CHST8: variants seen among roughly 807,000 people sequenced by gnomAD.
CHST8 encodes GALNAC-4-ST1.
CHST8 carries 10 observed loss-of-function variants against 15.0 expected under a neutral mutation model. The ratio of observed to expected loss-of-function variants is 0.67; its 90% CI spans 0.41 to 1.13. CHST8 has a LOEUF of 1.13. CHST8 is among the 50% of genes most tolerant of loss of function. The pLI, the probability that CHST8 is intolerant of heterozygous loss-of-function variation, is 0.00. For synonymous variants in CHST8, 259 were observed against 256.6 expected, an observed-to-expected ratio of 1.01 and a Z score of -0.09; for missense variants, 634 against 608.2, an observed-to-expected ratio of 1.04 and a Z score of -0.45.
At chr19:33,665,983 G>T (rs116652906) in intron 1 of CHST8, among the ~76,000 whole-genome samples, 2,127 of 152,368 alleles carry the variant, frequency 0.014, 38 homozygotes, top group African/African-American at 0.047. Flanking sequence ...CGAAAGGCAG[G>T]CCTCTGGCTC....
At chr19:33,689,614 C>T (rs906681057) in intron 3 of CHST8, among the ~76,000 whole-genome samples, 2 of 152,236 alleles carry the variant, frequency 1.3e-5, no homozygotes, top group African/African-American at 4.8e-5. Flanking sequence ...AGCAGGGTGG[C>T]CCCTTTTGGG....
At chr19:33,766,343 C>T (rs1974842535) in intron 3 of CHST8, among the ~76,000 whole-genome samples, 1 of 152,132 alleles carries the variant, frequency 6.6e-6, no homozygotes, top group Non-Finnish European at 1.5e-5. Context: ...ACCCTTCATA[C>T]TTCCCATGGA....
intron 2 of CHST8, among the ~76,000 whole-genome samples, chr19:33,679,828 T>A (rs1972861402): frequency 6.6e-6 from 1 of 152,188 alleles, no homozygotes; most frequent in Admixed American, 6.5e-5. Flanking sequence ...CAAGAAGGAT[T>A]TGCTGACCAC....
chr19:33,649,401 A>G (rs1213952640), intron 1 of CHST8, among the ~76,000 whole-genome samples: 1 of 152,146 alleles, frequency 6.6e-6, no homozygotes, highest in Non-Finnish European at 1.5e-5. Context: ...GGAGAACTTT[A>G]TTTCTTAAGA....
chr19:33,738,653 G>A (rs1455816697), intron 3 of CHST8, among the ~76,000 whole-genome samples: 4 of 152,008 alleles, frequency 2.6e-5, no homozygotes, highest in South Asian at 4.2e-4. Context: ...GCAGTGGTAC[G>A]ACCTCGGCTC....
At chr19:33,704,501 A>G (rs1973407407) in intron 3 of CHST8, among the ~76,000 whole-genome samples, 1 of 152,218 alleles carries the variant, frequency 6.6e-6, no homozygotes, top group Admixed American at 6.5e-5. Flanking sequence ...AAGTGGACAG[A>G]CAGGCCCCAG....
In CHST8 at chr19:33,738,776, G is replaced by A. The variant is rs11668416; in HGVS notation, c.131-32637G>A. Among the ~76,000 whole-genome samples the A allele has an allele frequency of 1.1e-3, 173 of 152,272 alleles. 1 individual carries two copies. The highest frequency in any genetic ancestry group is 3.4e-3 in the Middle Eastern group (1 of 294). On this transcript the variant is annotated intron_variant, in intron 3 of 4. Coordinates refer to ENST00000650847, the MANE Select transcript of CHST8 (RefSeq NM_001127895.2). ...GGCTAATTTTTGTACTTTTAGTAGA[G>A]ATGAGGTTTCACCATGTTGGCCAGG...
At chr19:33,762,696 C>T (rs574396969) in intron 3 of CHST8, among the ~76,000 whole-genome samples, 211 of 152,318 alleles carry the variant, frequency 1.4e-3, no homozygotes, top group African/African-American at 4.8e-3. Flanking sequence ...GGCTCTGCCC[C>T]GCTTTGTGTC....
At chr19:33,763,660 C>T (rs531952240) in intron 3 of CHST8, among the ~76,000 whole-genome samples, 89 of 152,356 alleles carry the variant, frequency 5.8e-4, no homozygotes, top group Middle Eastern at 6.8e-3. Context: ...TTGGGTGAGG[C>T]TTTTTTCCGG....
chr19:33,627,183 C>T (rs1400261653), intron 1 of CHST8, among the ~76,000 whole-genome samples: 1 of 149,726 alleles, frequency 6.7e-6, no homozygotes, highest in Non-Finnish European at 1.5e-5. Flanking sequence ...TCACTGCAAC[C>T]TCTGTCTCCC....
intron 3 of CHST8, among the ~76,000 whole-genome samples, chr19:33,689,967 G>A (rs1410612497): frequency 6.6e-6 from 1 of 152,216 alleles, no homozygotes; most frequent in East Asian, 1.9e-4. Context: ...ATGGCAGGGA[G>A]GCCAGAGCAG....
rs1033126196 is a variant in CHST8 at position 33,772,372 on chromosome 19, G to T, written c.584G>T (p.Cys195Phe). ...GAGGACCGCCACCGCGTGCTCTACT[G>T]CGAGGTGCCCAAGGCCGGCTGCTCC... ...FVEDRHRVLY[C>F]EVPKAGCSNW... Residue 195 changes from cysteine to phenylalanine, a missense_variant, in exon 5 of 5, where the codon TGC becomes TTC. Transcript: ENST00000650847. 6.2e-7 allele frequency: 1 copy of T among 1,608,618 alleles called. No individual in the cohort carries two copies. Among genetic ancestry groups the T allele is most frequent in the Non-Finnish European group, 8.5e-7 (1 of 1,179,502 alleles).
chr19:33,695,042 ACCT>A (rs1973185085), intron 3 of CHST8, among the ~76,000 whole-genome samples: 1 of 149,382 alleles, frequency 6.7e-6, no homozygotes, highest in African/African-American at 2.5e-5. Flanking sequence ...TGCAGCTTTG[ACCT>A]CCTGGGCTCG....
intron 3 of CHST8, among the ~76,000 whole-genome samples, chr19:33,718,166 C>T (rs951512625): frequency 3.3e-5 from 5 of 152,042 alleles, no homozygotes; most frequent in South Asian, 4.2e-4. Context: ...TTCCATCTCC[C>T]GCCAGGGGTG....
At position 33,723,736 on chromosome 19, in the gene CHST8, C is replaced by T. The variant is rs753387584; in HGVS notation, c.130+34345C>T. Reference sequence around the variant, plus strand: ...CTGCCTTGGTGTGGTCAGAACTTAGCTTCTCCATTCCTTGCCTCTGCTTCT... The same window carrying T: ...CTGCCTTGGTGTGGTCAGAACTTAGTTTCTCCATTCCTTGCCTCTGCTTCT... On this transcript the variant is annotated intron_variant, in intron 3 of 4. Coordinates refer to ENST00000650847, the MANE Select transcript of CHST8 (RefSeq NM_001127895.2). 4.5e-4 allele frequency among the ~76,000 whole-genome samples: 68 copies of T among 152,338 alleles called. No homozygotes were observed. In the Middle Eastern group the frequency reaches 0.01, roughly 23 times the overall value.
At chr19:33,753,186 T>G (rs1186713849) in intron 3 of CHST8, among the ~76,000 whole-genome samples, 1 of 151,934 alleles carries the variant, frequency 6.6e-6, no homozygotes, top group Non-Finnish European at 1.5e-5. Context: ...AGCCTGCACC[T>G]TCACCAGGGG....
At chr19:33,638,255 T>C (rs1026172334) in intron 1 of CHST8, among the ~76,000 whole-genome samples, 16 of 152,166 alleles carry the variant, frequency 1.1e-4, no homozygotes, top group Non-Finnish European at 1.5e-4. Context: ...TGTGGCATTA[T>C]TCTACTGTAT....
chr19:33,641,656 G>C (rs1972285504), intron 1 of CHST8, among the ~76,000 whole-genome samples: 1 of 151,754 alleles, frequency 6.6e-6, no homozygotes, highest in African/African-American at 2.4e-5. Context: ...AAATGAGGGG[G>C]TTCTGGACAG....
intron 3 of CHST8, among the ~76,000 whole-genome samples, chr19:33,762,378 G>C (rs1004395344): frequency 1.3e-5 from 2 of 152,242 alleles, no homozygotes; most frequent in Non-Finnish European, 2.9e-5. Context: ...AGGCAGCTCT[G>C]ATGCTCGACT....
Sources: allele counts gnomAD v4.1 joint callset (sites outside exome capture counted in the v4.1 genomes callset), GRCh38; gene constraint gnomAD v4.1.1; transcripts MANE v1.5; gene names NCBI Gene and HGNC (gene_info 2026-07-23, HGNC 2026-07-21).